ZNF711: variants seen among roughly 807,000 people sequenced by gnomAD.
The protein encoded by ZNF711 is zinc finger protein 711.
In ZNF711, 3 loss-of-function variants were observed where a neutral mutation model predicts 43.5. That is an observed-to-expected ratio of 0.07 (90% CI 0.03 to 0.18). The LOEUF (loss-of-function observed/expected upper bound fraction) is 0.18. Ranked by LOEUF, ZNF711 falls within the 10% of genes least tolerant of loss-of-function variation. ZNF711 has a pLI of 1.00. For missense variants in ZNF711, 412 were observed against 604.0 expected, an observed-to-expected ratio of 0.68 and a Z score of 3.33; for synonymous variants, 209 against 207.7, an observed-to-expected ratio of 1.01 and a Z score of -0.06.
chrX:85,246,223 A>G (rs1382050826), intron 2 of ZNF711, among the ~76,000 whole-genome samples: 2 of 112,362 alleles, frequency 1.8e-5, no homozygotes, highest in African/African-American at 6.5e-5. Flanking sequence ...ACACACAGGT[A>G]GTTTATTGTG....
intron 3 of ZNF711, 115 bp downstream of exon 3, chrX:85,247,303 C>G (rs1314797350): frequency 1.2e-5 from 4 of 339,859 alleles, no homozygotes; most frequent in Non-Finnish European, 2.0e-5. Context: ...TACCACTTCC[C>G]TATGGCTCAT....
At chrX:85,254,842 C>T (rs1457269236) in intron 4 of ZNF711, among the ~76,000 whole-genome samples, 1 of 109,076 alleles carries the variant, frequency 9.2e-6, no homozygotes, top group Non-Finnish European at 1.9e-5. Flanking sequence ...AAGAAATCGC[C>T]AAACTATTTT....
intron 5 of ZNF711, among the ~76,000 whole-genome samples, chrX:85,259,238 C>A (rs1930426821): frequency 9.0e-6 from 1 of 111,006 alleles, no homozygotes; most frequent in African/African-American, 3.3e-5. Context: ...TTTATGGGTT[C>A]TCTTTTCTGT....
At chrX:85,248,830 C>T (rs928949017) in intron 4 of ZNF711, among the ~76,000 whole-genome samples, 41 of 111,846 alleles carry the variant, frequency 3.7e-4, no homozygotes, top group African/African-American at 1.3e-3. Context: ...TACTATTGTT[C>T]GTTGATAATA....
At chrX:85,266,044 C>T (rs1023611404) in intron 7 of ZNF711, among the ~76,000 whole-genome samples, 13 of 111,520 alleles carry the variant, frequency 1.2e-4, no homozygotes, top group Non-Finnish European at 2.1e-4. Context: ...CTCCTCACCT[C>T]AGTATAGGAA....
rs1172192383 is a variant in ZNF711, at chrX:85,272,482, A to G, written c.*654A>G. On this transcript the variant is annotated 3_prime_UTR_variant, in exon 11 of 11. Transcript: ENST00000674551. ...GAGATCTAAGGTGAAGTCTATAAAG[A>G]TTAAAGTTCCCTTTTTTCTGATGTT... The G allele has an allele frequency of 1.8e-5, 2 of 112,121 alleles. No homozygotes were observed. Among genetic ancestry groups the G allele is most frequent in the Non-Finnish European group, 3.8e-5 (2 of 53,074 alleles). 9.2% of individuals were successfully genotyped at this position (112,121 alleles called of 1,213,427 possible). A position where few individuals can be genotyped will look rare whatever the true frequency, so the allele number is the denominator to read the frequency against.
At chrX:85,270,328 C>T (rs1437178892) in intron 10 of ZNF711, among the ~76,000 whole-genome samples, 182 bp downstream of exon 10, 1 of 104,239 alleles carries the variant, frequency 9.6e-6, no homozygotes, top group Non-Finnish European at 2.0e-5. Flanking sequence ...TAAAACTATG[C>T]TTGTTTGCTC....
chrX:85,272,580 A>G lies in ZNF711; in HGVS notation c.*752A>G, dbSNP rs1462867700. On this transcript the variant is annotated 3_prime_UTR_variant, in exon 11 of 11. Coordinates refer to ENST00000674551, the MANE Select transcript of ZNF711 (RefSeq NM_001330574.2). ...AGTCAAATGTGGCTTTCTAAAATGG[A>G]TGCAACATTAGCGTTGCAAACAAAA... 3.6e-5 allele frequency: 4 copies of G among 111,978 alleles called. No individual in the cohort carries two copies. The East Asian group carries it at 1.1e-3, about 32-fold the overall frequency. 9.2% of individuals were successfully genotyped at this position (111,978 alleles called of 1,213,427 possible). A position where few individuals can be genotyped will look rare whatever the true frequency, so the allele number is the denominator to read the frequency against.
At chrX:85,251,719 C>T (rs762425015) in intron 4 of ZNF711, among the ~76,000 whole-genome samples, 1 of 110,949 alleles carries the variant, frequency 9.0e-6, no homozygotes, top group South Asian at 3.8e-4. Flanking sequence ...TGAGCTACCA[C>T]GTGATAGGCC....
rs762806130 is a variant in ZNF711 at position 85,271,758 on chromosome X, A to G, written c.2354A>G (p.Lys785Arg). The G allele has an allele frequency of 2.8e-5, 34 of 1,209,627 alleles. No individual in the cohort carries two copies. Among genetic ancestry groups the G allele is most frequent in the Non-Finnish European group, 3.6e-5 (32 of 894,849 alleles). Residue 785 changes from lysine to arginine, a missense_variant, in exon 11 of 11, where the codon AAG becomes AGG. Physicochemically the swap from Lys to Arg is conservative, Grantham distance 26. This residue lies in a region of ZNF711 where 12 missense variants were observed against 17.6 expected (regional missense o/e 0.68). Transcript: ENST00000674551. ...KDYPHRCEFCKKGFRRPSEKN... is the reference protein window; with the variant it reads ...KDYPHRCEFCRKGFRRPSEKN... ...TATCCACACAGGTGTGAATTCTGCA[A>G]GAAGGGATTCCGAAGACCATCAGAA... is the stretch of plus-strand genomic sequence containing the variant.
At chrX:85,249,725 T>C (rs963071932) in intron 4 of ZNF711, among the ~76,000 whole-genome samples, 2 of 111,882 alleles carry the variant, frequency 1.8e-5, no homozygotes, top group South Asian at 7.4e-4. Flanking sequence ...ACCATTCCAT[T>C]CATCCATTTT....
intron 5 of ZNF711, among the ~76,000 whole-genome samples, chrX:85,257,260 C>A (rs191211779): frequency 9.0e-6 from 1 of 110,837 alleles, no homozygotes; most frequent in East Asian, 2.8e-4. Context: ...TATGAATGAT[C>A]CCATCTCCTA....
At position 85,272,981 on chromosome X, in the gene ZNF711, T is replaced by G. The variant is rs1322864935; in HGVS notation, c.*1153T>G. The G allele has an allele frequency of 3.6e-5, 4 of 112,046 alleles. No homozygotes were observed. Among genetic ancestry groups the G allele is most frequent in the African/African-American group, 1.3e-4 (4 of 30,817 alleles). 9.2% of individuals were successfully genotyped at this position (112,046 alleles called of 1,213,427 possible). A position where few individuals can be genotyped will look rare whatever the true frequency, so the allele number is the denominator to read the frequency against. On this transcript the variant is annotated 3_prime_UTR_variant, in exon 11 of 11. Transcript: ENST00000674551. ...TGGCACTTAATATTAAAAGCTGGTT[T>G]AGGGAAATTTTATGAAAATCCTGTT...
intron 4 of ZNF711, among the ~76,000 whole-genome samples, chrX:85,253,119 T>C (rs1929688664): frequency 8.9e-6 from 1 of 111,962 alleles, no homozygotes; most frequent in Non-Finnish European, 1.9e-5. Flanking sequence ...GAATTCCTCA[T>C]GAAGGGATTT....
At chrX:85,258,124 T>C (rs1282186376) in intron 5 of ZNF711, among the ~76,000 whole-genome samples, 1 of 112,170 alleles carries the variant, frequency 8.9e-6, no homozygotes, top group Admixed American at 9.5e-5. Flanking sequence ...CAAAAAAATA[T>C]GGAACCAGCC....
At chrX:85,258,870 C>T (rs748249252) in intron 5 of ZNF711, among the ~76,000 whole-genome samples, 2 of 110,601 alleles carry the variant, frequency 1.8e-5, no homozygotes, top group South Asian at 3.8e-4. Flanking sequence ...CTGTTTACTC[C>T]GTTGATAGTT....
rs755648815 is a variant in ZNF711, at chrX:85,247,636, A to G, written c.64A>G (p.Ile22Val). 2.5e-6 allele frequency: 3 copies of G among 1,208,462 alleles called. No individual in the cohort carries two copies. The highest frequency in any genetic ancestry group is 2.2e-6 in the Non-Finnish European group (2 of 892,456). The change falls in exon 4 of 11, where the codon ATT (isoleucine) becomes GTT (valine). Residue 22 changes from isoleucine (I) to valine (V), a missense_variant. Around this residue, in one of 4 missense-constraint regions of ZNF711, gnomAD observed 375 missense variants for 514.2 expected, o/e 0.73. Coordinates refer to ENST00000674551, the MANE Select transcript of ZNF711 (RefSeq NM_001330574.2). The part of the protein sequence containing the change: ...TPDSRMAHTM[I>V]MQDFVAGMAG... ...AGACTCTAGAATGGCCCATACCATGATTATGCAAGATTTTGGTAAAGCATT... is the reference window on the plus strand; with the variant it reads ...AGACTCTAGAATGGCCCATACCATGGTTATGCAAGATTTTGGTAAAGCATT...
chrX:85,253,929 C>G lies in ZNF711; in HGVS notation c.80-1330C>G, dbSNP rs1929791259. Among the ~76,000 whole-genome samples, 5 of 111,213 alleles carry G rather than the reference C, an allele frequency of 4.5e-5. No individual in the cohort carries two copies. In the Admixed American group the frequency reaches 4.8e-4, roughly 11 times the overall value. Reference sequence around the variant, plus strand: ...TGGTGATTGTCTTTTTTTCCCTCAGCAAAATTTTCTGGAGGAAATTCAGGT... The same window carrying G: ...TGGTGATTGTCTTTTTTTCCCTCAGGAAAATTTTCTGGAGGAAATTCAGGT... On this transcript the variant is annotated intron_variant, in intron 4 of 10. Transcript: ENST00000674551.
At chrX:85,264,472 T>A in intron 6 of ZNF711, 42 bp downstream of exon 6, 1 of 1,117,678 alleles carries the variant, frequency 8.9e-7, no homozygotes. Flanking sequence ...ATAGGAGTTA[T>A]AATTTATTAT....
Sources: gnomAD v4.1 joint callset for allele counts (sites outside exome capture counted in the v4.1 genomes callset) on GRCh38, gnomAD v4.1.1 for gene constraint, gnomAD v4.1.1 regional missense constraint, MANE v1.5 for transcripts, NCBI Gene and HGNC (gene_info 2026-07-23, HGNC 2026-07-21) for gene names.